Variants in CTNND2 observed in about 807,000 individuals in gnomAD.
CTNND2 encodes the protein catenin delta 2, also known as catenin delta-2.
A neutral mutation model predicts 144.4 loss-of-function variants in CTNND2; 22 were observed. That is an observed-to-expected ratio of 0.15 (90% CI 0.11 to 0.22). The LOEUF (loss-of-function observed/expected upper bound fraction) is 0.22. CTNND2 is among the 10% of genes least tolerant of loss of function. The probability of loss-of-function intolerance (pLI) is 1.00; values close to 1 mark genes in which losing one functional copy is unlikely to be tolerated. For synonymous variants in CTNND2, 751 were observed against 695.6 expected, an observed-to-expected ratio of 1.08 and a Z score of -1.25; for missense variants, 1,353 against 1,618.8, an observed-to-expected ratio of 0.84 and a Z score of 2.82.
chr5:11,485,481 C>T (rs1240569153), intron 3 of CTNND2, among the ~76,000 whole-genome samples: 1 of 151,956 alleles, frequency 6.6e-6, no homozygotes, highest in African/African-American at 2.4e-5. Context: ...CAAAGAGAAC[C>T]TGAAGAAAAC....
At chr5:11,299,241 C>T (rs1317507673) in intron 9 of CTNND2, among the ~76,000 whole-genome samples, 1 of 152,170 alleles carries the variant, frequency 6.6e-6, no homozygotes, top group Non-Finnish European at 1.5e-5. Flanking sequence ...AAATTTACCA[C>T]TTCGATGTCC....
chr5:11,062,427 G>A (rs1365377494), intron 16 of CTNND2, among the ~76,000 whole-genome samples: 1 of 152,184 alleles, frequency 6.6e-6, no homozygotes, highest in Non-Finnish European at 1.5e-5. Flanking sequence ...GTCTTAATTA[G>A]CTTCAAATGC....
intron 9 of CTNND2, among the ~76,000 whole-genome samples, chr5:11,336,222 T>C (rs1753706503): frequency 6.6e-6 from 1 of 152,226 alleles, no homozygotes; most frequent in African/African-American, 2.4e-5. Flanking sequence ...CCTTGCTTTG[T>C]GAGTTTTGTC....
rs202172529 is a variant in CTNND2 at position 11,584,425 on chromosome 5, T to TG, written c.175-19370dup. On this transcript the variant is annotated intron_variant, in intron 2 of 21. Coordinates refer to ENST00000304623, the MANE Select transcript of CTNND2 (RefSeq NM_001332.4). ...TATATACATATATATATATTTTTTT[T>TG]GGGGGGGGGGAGGAGGAAGCTAGTA... is the stretch of plus-strand genomic sequence containing the variant. Among the ~76,000 whole-genome samples the TG allele has an allele frequency of 2.2e-3, 268 of 124,234 alleles. 3 individuals carry two copies. Among genetic ancestry groups the TG allele is most frequent in the African/African-American group, 2.8e-3 (91 of 32,260 alleles). The allele number at this position is 124,234 out of a possible 152,430, so 81.5% of individuals were successfully genotyped here.
chr5:11,896,292 A>G (rs114206678), intron 1 of CTNND2, among the ~76,000 whole-genome samples: 2,017 of 152,300 alleles, frequency 0.013, 45 homozygotes, highest in African/African-American at 0.045. Context: ...GAATATGAGC[A>G]ATGTTTTCTA....
intron 16 of CTNND2, among the ~76,000 whole-genome samples, chr5:11,060,182 G>A (rs1746801337): frequency 1.3e-5 from 2 of 152,132 alleles, no homozygotes. Flanking sequence ...ACGGCTCAAG[G>A]GGTGGGAGCT....
At chr5:11,452,692 T>C (rs1435477674) in intron 3 of CTNND2, among the ~76,000 whole-genome samples, 1 of 152,242 alleles carries the variant, frequency 6.6e-6, no homozygotes, top group Non-Finnish European at 1.5e-5. Flanking sequence ...CAAACAGGCA[T>C]TCTAATCTTT....
intron 10 of CTNND2, among the ~76,000 whole-genome samples, chr5:11,205,584 A>T (rs1277849079): frequency 1.3e-5 from 2 of 152,196 alleles, no homozygotes; most frequent in African/African-American, 4.8e-5. Context: ...ATCAGTTTGT[A>T]AAACACACAA....
chr5:11,200,158 G>GT (rs1737279549), intron 10 of CTNND2, among the ~76,000 whole-genome samples: 2 of 152,110 alleles, frequency 1.3e-5, no homozygotes, highest in Non-Finnish European at 2.9e-5. Flanking sequence ...GACACAAGGA[G>GT]TTTTATCTCA....
intron 3 of CTNND2, among the ~76,000 whole-genome samples, chr5:11,501,699 G>C (rs1770538199): frequency 6.6e-6 from 1 of 152,130 alleles, no homozygotes; most frequent in Non-Finnish European, 1.5e-5. Context: ...TAATGAATGA[G>C]ATTAGTGCCC....
At chr5:11,590,047 ATTT>A (rs34867068) in intron 2 of CTNND2, among the ~76,000 whole-genome samples, 2 of 144,358 alleles carry the variant, frequency 1.4e-5, no homozygotes, top group African/African-American at 5.1e-5. Context: ...GATTTTGTAA[ATTT>A]TTTTTTTTTT....
At chr5:11,427,970 A>G (rs1762941441) in intron 3 of CTNND2, among the ~76,000 whole-genome samples, 1 of 152,178 alleles carries the variant, frequency 6.6e-6, no homozygotes, top group Non-Finnish European at 1.5e-5. Flanking sequence ...GGCGAAAGGC[A>G]CTTCTTACAT....
intron 1 of CTNND2, among the ~76,000 whole-genome samples, chr5:11,795,572 G>A (rs1023515954): frequency 5.3e-5 from 8 of 152,244 alleles, no homozygotes; most frequent in Middle Eastern, 3.4e-3. Context: ...TAAATGTAGC[G>A]TGGGAGGGAT....
chr5:11,841,052 T>C (rs1486030086), intron 1 of CTNND2, among the ~76,000 whole-genome samples: 1 of 152,188 alleles, frequency 6.6e-6, no homozygotes, highest in Non-Finnish European at 1.5e-5. Flanking sequence ...GCCAATAATA[T>C]TCTATTTTAG....
At chr5:11,045,046 A>C (rs1745090306) in intron 16 of CTNND2, among the ~76,000 whole-genome samples, 1 of 152,232 alleles carries the variant, frequency 6.6e-6, no homozygotes, top group Non-Finnish European at 1.5e-5. Flanking sequence ...TGGAAGTCAC[A>C]AGTCTGAAAT....
intron 16 of CTNND2, among the ~76,000 whole-genome samples, chr5:11,051,875 A>G (rs1330079859): frequency 1.3e-5 from 2 of 152,236 alleles, no homozygotes; most frequent in African/African-American, 2.4e-5. Flanking sequence ...ATTTGATTTT[A>G]AAAATACTAA....
intron 1 of CTNND2, among the ~76,000 whole-genome samples, chr5:11,869,003 C>G (rs958206409): frequency 1.3e-5 from 2 of 152,092 alleles, no homozygotes; most frequent in African/African-American, 4.8e-5. Context: ...GAAAAAACAC[C>G]CAACATCAAC....
intron 9 of CTNND2, among the ~76,000 whole-genome samples, chr5:11,246,499 C>G (rs912498758): frequency 6.6e-6 from 1 of 151,904 alleles, no homozygotes; most frequent in Non-Finnish European, 1.5e-5. Flanking sequence ...ATTCCGGGCA[C>G]CACCAGAAGC....
intron 12 of CTNND2, among the ~76,000 whole-genome samples, chr5:11,122,937 C>A (rs1754294398): frequency 6.6e-6 from 1 of 152,084 alleles, no homozygotes; most frequent in Non-Finnish European, 1.5e-5. Flanking sequence ...ATACCTGCGA[C>A]CCCTCAGGGC....
Sources: allele counts gnomAD v4.1 joint callset (sites outside exome capture counted in the v4.1 genomes callset), GRCh38; gene constraint gnomAD v4.1.1; transcripts MANE v1.5; gene names NCBI Gene and HGNC (gene_info 2026-07-23, HGNC 2026-07-21).